Variants in LRRC7 observed in about 807,000 individuals in gnomAD.
The protein encoded by LRRC7 is leucine-rich repeat-containing protein 7.
Under a neutral mutation model 175.7 loss-of-function variants are expected in LRRC7, and 23 were observed. The observed-to-expected ratio is 0.13, with a 90% CI of 0.09 to 0.19. LRRC7 has a LOEUF of 0.19. LRRC7 is among the 10% of genes least tolerant of loss of function. The pLI is 1.00. For synonymous variants in LRRC7, 685 were observed against 680.9 expected (o/e 1.01, Z -0.09); for missense variants, 1,354 against 1,904.7 (o/e 0.71, Z 5.38).
In LRRC7 at chr1:69,876,127, A is replaced by G. The variant is rs116778796; in HGVS notation, c.647+37844A>G. On this transcript the variant is annotated intron_variant, in intron 7 of 26. Coordinates refer to ENST00000651989, the MANE Select transcript of LRRC7 (RefSeq NM_001370785.2). Reference sequence around the variant, plus strand: ...GAGAATAGAATACATATGCCCGTATATTTCTCAGAAGTTACGGGTTTCTGG... The same window carrying G: ...GAGAATAGAATACATATGCCCGTATGTTTCTCAGAAGTTACGGGTTTCTGG... 1.7e-3 allele frequency among the ~76,000 whole-genome samples: 257 copies of G among 152,196 alleles called. 3 individuals are homozygous for G. The highest frequency in any genetic ancestry group is 3.1e-3 in the Non-Finnish European group (214 of 67,988).
intron 7 of LRRC7, among the ~76,000 whole-genome samples, chr1:69,885,517 A>C (rs1687094416): frequency 7.2e-6 from 1 of 138,122 alleles, no homozygotes; most frequent in Non-Finnish European, 1.5e-5. Context: ...TTTTTTCTTT[A>C]TTAGTCTTGC....
At chr1:70,096,670 A>G (rs966527119) in intron 25 of LRRC7, among the ~76,000 whole-genome samples, 2 of 152,034 alleles carry the variant, frequency 1.3e-5, no homozygotes, top group African/African-American at 2.4e-5. Context: ...GACTAACTTA[A>G]TGGAGTACCT....
At chr1:69,857,256 C>G (rs1233179572) in intron 7 of LRRC7, among the ~76,000 whole-genome samples, 3 of 152,158 alleles carry the variant, frequency 2.0e-5, no homozygotes, top group Non-Finnish European at 4.4e-5. Context: ...GTTGGAAATT[C>G]TGGCCAGGGC....
intron 23 of LRRC7, among the ~76,000 whole-genome samples, chr1:70,055,579 A>G (rs1661084374): frequency 6.6e-6 from 1 of 152,212 alleles, no homozygotes; most frequent in South Asian, 2.1e-4. Flanking sequence ...ACAGTTCCTC[A>G]GGCTGTATAG....
At chr1:70,049,348 A>G (rs1660577068) in intron 22 of LRRC7, among the ~76,000 whole-genome samples, 1 of 152,088 alleles carries the variant, frequency 6.6e-6, no homozygotes, top group Non-Finnish European at 1.5e-5. Context: ...ATGACTCAGT[A>G]TCAGATAGTA....
At chr1:69,886,637 T>C (rs1039966256) in intron 7 of LRRC7, among the ~76,000 whole-genome samples, 25 of 149,220 alleles carry the variant, frequency 1.7e-4, no homozygotes, top group East Asian at 5.9e-4. Context: ...AATATTGTTA[T>C]GTGTGAATTT....
At chr1:69,624,901 C>A (rs560292216) in intron 1 of LRRC7, among the ~76,000 whole-genome samples, 4 of 152,146 alleles carry the variant, frequency 2.6e-5, no homozygotes, top group South Asian at 2.1e-4. Context: ...ATTACTGTAA[C>A]CTTATATTAA....
At chr1:70,087,498 T>C (rs1166656930) in intron 24 of LRRC7, among the ~76,000 whole-genome samples, 1 of 152,126 alleles carries the variant, frequency 6.6e-6, no homozygotes. Flanking sequence ...TTCTAATTAA[T>C]AAATAATAAC....
At chr1:69,852,782 G>A (rs1557811130) in intron 7 of LRRC7, among the ~76,000 whole-genome samples, 1 of 152,052 alleles carries the variant, frequency 6.6e-6, no homozygotes, top group Non-Finnish European at 1.5e-5. Flanking sequence ...AGGAAAATTT[G>A]TTACAGTACA....
At position 69,891,922 on chromosome 1, in the gene LRRC7, G is replaced by A. The variant is rs189072892; in HGVS notation, c.648-39585G>A. Among the ~76,000 whole-genome samples the A allele has an allele frequency of 2.6e-5, 4 of 152,038 alleles. No homozygotes were observed. The East Asian group carries it at 7.8e-4, about 29-fold the overall frequency. ...GTGTAAAAAATGAAATACCTGTGAA[G>A]CACAATAAAGTAAAGTGCAATAAAA... On this transcript the variant is annotated intron_variant, in intron 7 of 26. Coordinates refer to ENST00000651989, the MANE Select transcript of LRRC7 (RefSeq NM_001370785.2).
chr1:69,635,287 A>G (rs1433702640), intron 1 of LRRC7, among the ~76,000 whole-genome samples: 1 of 151,912 alleles, frequency 6.6e-6, no homozygotes, highest in Non-Finnish European at 1.5e-5. Flanking sequence ...ATAGTATTCC[A>G]TGGTGTATTT....
intron 1 of LRRC7, among the ~76,000 whole-genome samples, chr1:69,582,936 A>C (rs1377411273): frequency 1.3e-5 from 2 of 152,064 alleles, no homozygotes; most frequent in African/African-American, 4.8e-5. Flanking sequence ...CTTTTGCCCT[A>C]TTTTCCTAAG....
intron 7 of LRRC7, among the ~76,000 whole-genome samples, chr1:69,904,781 G>A (rs957858625): frequency 6.6e-6 from 1 of 152,018 alleles, no homozygotes; most frequent in Admixed American, 6.6e-5. Context: ...CAGGTAATGA[G>A]CATCATACCC....
At chr1:69,823,655 T>C (rs1038836312) in intron 4 of LRRC7, among the ~76,000 whole-genome samples, 2 of 152,152 alleles carry the variant, frequency 1.3e-5, no homozygotes, top group African/African-American at 4.8e-5. Context: ...TTCTCTAAGG[T>C]AGATAAATTT....
chr1:69,687,403 A>AG (rs1661286006), intron 2 of LRRC7, among the ~76,000 whole-genome samples: 1 of 151,268 alleles, frequency 6.6e-6, no homozygotes, highest in Non-Finnish European at 1.5e-5. Context: ...CCAGCTACTC[A>AG]GGAGGCTGAG....
chr1:69,645,626 C>G (rs1389791373), intron 1 of LRRC7, among the ~76,000 whole-genome samples: 1 of 152,040 alleles, frequency 6.6e-6, no homozygotes, highest in Non-Finnish European at 1.5e-5. Flanking sequence ...TTGAACTGCT[C>G]TTTGGAAACA....
At chr1:69,711,065 C>A (rs1664696080) in intron 2 of LRRC7, among the ~76,000 whole-genome samples, 3 of 152,176 alleles carry the variant, frequency 2.0e-5, no homozygotes, top group Admixed American at 1.3e-4. Context: ...AGCCCTCCAA[C>A]TCTGATTCTT....
At chr1:70,049,825 A>G (rs1424281803) in intron 22 of LRRC7, among the ~76,000 whole-genome samples, 1 of 152,010 alleles carries the variant, frequency 6.6e-6, no homozygotes, top group Non-Finnish European at 1.5e-5. Context: ...CACTGGAAAA[A>G]CTTTGGGGGA....
chr1:69,696,597 C>A (rs969629601), intron 2 of LRRC7, among the ~76,000 whole-genome samples: 11 of 151,554 alleles, frequency 7.3e-5, no homozygotes, highest in African/African-American at 2.4e-4. Context: ...GATATTTTCT[C>A]CCCTCCAAAT....
Sources: allele counts gnomAD v4.1 joint callset (sites outside exome capture counted in the v4.1 genomes callset), GRCh38; gene constraint gnomAD v4.1.1; transcripts MANE v1.5; gene names NCBI Gene and HGNC (gene_info 2026-07-23, HGNC 2026-07-21).